Variants in UNC80 observed in about 807,000 individuals in gnomAD.
UNC80 encodes protein unc-80 homolog.
UNC80 carries 164 observed loss-of-function variants against 384.6 expected under a neutral mutation model. The observed-to-expected ratio is 0.43, with a 90% CI of 0.38 to 0.49. UNC80 has a LOEUF of 0.49. UNC80 is among the 20% of genes least tolerant of loss of function. The pLI is 0.00. For missense variants in UNC80, 3,330 were observed against 4,143.0 expected (o/e 0.80, Z 5.39); for synonymous variants, 1,486 against 1,527.8 (o/e 0.97, Z 0.64).
intron 21 of UNC80, among the ~76,000 whole-genome samples, chr2:209,848,470 T>C (rs902045019): frequency 2.6e-5 from 4 of 152,126 alleles, no homozygotes; most frequent in African/African-American, 9.7e-5. Flanking sequence ...TGTTCAAACG[T>C]AGGCAAAAAG....
intron 25 of UNC80, among the ~76,000 whole-genome samples, chr2:209,886,622 A>G (rs2085832333): frequency 1.3e-5 from 2 of 151,978 alleles, no homozygotes; most frequent in Admixed American, 1.3e-4. Context: ...CTCCTGTCAT[A>G]CTTATATCCT....
intron 36 of UNC80, among the ~76,000 whole-genome samples, chr2:209,928,370 T>C (rs1040310754): frequency 1.3e-4 from 20 of 152,052 alleles, no homozygotes; most frequent in Admixed American, 1.1e-3. Flanking sequence ...TGCACGTAAA[T>C]ATATATTTCA....
chr2:209,881,162 A>G (rs2085252425), intron 25 of UNC80, 68 bp downstream of exon 25: 2 of 1,486,848 alleles, frequency 1.3e-6, no homozygotes, highest in African/African-American at 2.8e-5. Context: ...TGGGTTTCCA[A>G]GATTCACAGT....
At chr2:209,782,712 A>G (rs2077218450) in intron 4 of UNC80, among the ~76,000 whole-genome samples, 1 of 152,132 alleles carries the variant, frequency 6.6e-6, no homozygotes, top group Admixed American at 6.6e-5. Flanking sequence ...GTATTATTCA[A>G]TGCATATTTT....
In UNC80 at chr2:209,815,248, T is replaced by G. The variant is rs2079647447; in HGVS notation, c.1201-9T>G. 1.3e-6 allele frequency: 2 copies of G among 1,551,004 alleles called. No individual in the cohort carries two copies. The highest frequency in any genetic ancestry group is 1.7e-6 in the Non-Finnish European group (2 of 1,146,786). The stretch of plus-strand genomic sequence containing the variant: ...CCTAAGTCCTTGATCACTGTCTACC[T>G]TTATTAAGGATCTCACCATGAAGTG... On this transcript the variant is annotated splice_polypyrimidine_tract_variant and intron_variant, in intron 8 of 64. Coordinates refer to ENST00000673920, the MANE Select transcript of UNC80 (RefSeq NM_001371986.1).
At position 209,993,920 on chromosome 2, in the gene UNC80, C is replaced by T. The variant is rs556937422; in HGVS notation, c.9509-145C>T. 6 of 696,928 alleles carry T rather than the reference C, an allele frequency of 8.6e-6. No homozygotes were observed. The South Asian group carries it at 1.4e-4, about 17-fold the overall frequency. The allele number at this position is 696,928 out of a possible 1,614,324, so 43.2% of individuals were successfully genotyped here. On this transcript the variant is annotated intron_variant, in intron 63 of 64. Coordinates refer to ENST00000673920, the MANE Select transcript of UNC80 (RefSeq NM_001371986.1). ...TAAAATCAAACATGCGCAAAATGTT[C>T]AAACGTGCTCTCATTTATTAATAAA...
chr2:209,820,138 A>G (rs995020843), intron 12 of UNC80, among the ~76,000 whole-genome samples, 173 bp from the exon 13 acceptor site: 3 of 152,218 alleles, frequency 2.0e-5, no homozygotes, highest in African/African-American at 7.2e-5. Context: ...TATTAAGTAA[A>G]TACACAAGAT....
chr2:209,881,069 C>G lies in UNC80; in HGVS notation c.4085C>G (p.Pro1362Arg), dbSNP rs2085244241. The G allele has an allele frequency of 1.9e-6, 3 of 1,551,478 alleles. No homozygotes were observed. Among genetic ancestry groups the G allele is most frequent in the Admixed American group, 2.0e-5 (1 of 50,962 alleles). The stretch of plus-strand genomic sequence containing the variant: ...CTGCGAGAGACCTTTTCTTGCCTGC[C>G]CAGACCTCGCACTGAGCCTCTGGTG... ...TFLRETFSCL[P>R]RPRTEPLVDL... The change falls in exon 25 of 65, where the codon CCC (proline) becomes CGC (arginine). Residue 1362 changes from proline to arginine, a missense_variant. Pro to Arg is a moderately radical substitution (Grantham distance 103). Transcript: ENST00000673920.
chr2:209,909,097 T>C (rs892323668), intron 29 of UNC80, among the ~76,000 whole-genome samples: 1 of 152,192 alleles, frequency 6.6e-6, no homozygotes, highest in Non-Finnish European at 1.5e-5. Context: ...ATCTTGACTT[T>C]TCATTTGTTT....
rs2091623261 is a variant in UNC80 at position 209,941,407 on chromosome 2, C to T, written c.6833C>T (p.Ala2278Val). 6.4e-7 allele frequency: 1 copy of T among 1,550,944 alleles called. No homozygotes were observed. The change falls in exon 44 of 65, where the codon GCC becomes GTC. Residue 2278 changes from alanine to valine, a missense_variant. Physicochemically the swap from Ala to Val is moderately conservative, Grantham distance 64. This residue lies in a region of UNC80 where 1,049 missense variants were observed against 1,488.6 expected (regional missense o/e 0.70). Transcript: ENST00000673920. ...AGTGCCCTGCTCAGGCAGTATGCTG[C>T]CACCGTCATCAACACCGCGGTGCAC... The part of the protein sequence containing the change: ...EDSALLRQYA[A>V]TVINTAVHFN...
intron 49 of UNC80, 67 bp from the exon 50 acceptor site, chr2:209,959,052 A>G (rs2092507401): frequency 1.4e-6 from 2 of 1,392,366 alleles, no homozygotes; most frequent in Non-Finnish European, 2.0e-6. Context: ...AAAGTCGATA[A>G]GAAGCCCCAA....
intron 31 of UNC80, among the ~76,000 whole-genome samples, chr2:209,915,404 C>CAAA (rs5838189): frequency 1.4e-4 from 11 of 76,960 alleles, no homozygotes; most frequent in African/African-American, 4.0e-4. Flanking sequence ...GACTCTGTCT[C>CAAA]AAAAAAAAAA....
At chr2:209,813,926 G>C in intron 8 of UNC80, 85 bp downstream of exon 8, 1 of 1,477,472 alleles carries the variant, frequency 6.8e-7, no homozygotes, top group Non-Finnish European at 9.0e-7. Flanking sequence ...CAGCTCTTAG[G>C]TACTCTAGTG....
At chr2:209,980,102 C>T (rs1381128453) in intron 59 of UNC80, among the ~76,000 whole-genome samples, 1 of 152,108 alleles carries the variant, frequency 6.6e-6, no homozygotes, top group Non-Finnish European at 1.5e-5. Context: ...CTGGTGACTG[C>T]TCATGAAAAT....
rs946541602 is a variant in UNC80, at chr2:209,771,970, G to A, written c.-103G>A. 4 of 822,332 alleles carry A rather than the reference G, an allele frequency of 4.9e-6. No homozygotes were observed. In the African/African-American group the frequency reaches 5.2e-5, roughly 11 times the overall value. The allele number at this position is 822,332 out of a possible 1,614,324, so 50.9% of individuals were successfully genotyped here. On this transcript the variant is annotated 5_prime_UTR_variant, in exon 1 of 65. Transcript: ENST00000673920. ...GCGGAGAGAGCCGGCTCTGCCTCGG[G>A]GAAGGAGGGGATGAGAGTTGGGAGC...
rs548643160 is a variant in UNC80 at position 209,969,850 on chromosome 2, C to T, written c.8089C>T (p.Leu2697=). The change falls in exon 53 of 65, where the codon CTG becomes TTG. Residue 2697 remains leucine (L), a synonymous_variant. Coordinates refer to ENST00000673920, the MANE Select transcript of UNC80 (RefSeq NM_001371986.1). ...TLQRQPIISF[L]PHLRSLINVC... ...TCAGAGGCAGCCAATCATATCCTTC[C>T]TGCCTCACCTTAGGTCACTGATCAA... is the stretch of plus-strand genomic sequence containing the variant. 4.5e-5 allele frequency: 70 copies of T among 1,551,750 alleles called. 1 individual carries two copies. The South Asian group carries it at 8.1e-4, about 18-fold the overall frequency.
chr2:209,798,563 G>A (rs1292552287), intron 7 of UNC80, among the ~76,000 whole-genome samples: 1 of 152,134 alleles, frequency 6.6e-6, no homozygotes, highest in East Asian at 1.9e-4. Context: ...GGTTACTGTA[G>A]CCTTGTAGTA....
chr2:209,795,627 G>A (rs542599499), intron 7 of UNC80: 40 of 152,264 alleles, frequency 2.6e-4, no homozygotes, highest in Non-Finnish European at 5.4e-4. Flanking sequence ...GTGTGCAGCC[G>A]AGGGACTTGG....
chr2:209,846,161 CCTT>C (rs1457262186), intron 21 of UNC80, among the ~76,000 whole-genome samples: 2 of 152,058 alleles, frequency 1.3e-5, no homozygotes, highest in African/African-American at 2.4e-5. Flanking sequence ...AAACATCAAA[CCTT>C]CTTACCCTCA....
Sources: gnomAD v4.1 joint callset for allele counts (sites outside exome capture counted in the v4.1 genomes callset) on GRCh38, gnomAD v4.1.1 for gene constraint, gnomAD v4.1.1 regional missense constraint, MANE v1.5 for transcripts, NCBI Gene and HGNC (gene_info 2026-07-23, HGNC 2026-07-21) for gene names.